WDR49: variants seen among roughly 807,000 people sequenced by gnomAD.
The protein encoded by WDR49 is WD repeat domain 49, also known as cilia- and flagella-associated protein 337.
WDR49 carries 107 observed loss-of-function variants against 119.5 expected under a neutral mutation model. That is an observed-to-expected ratio of 0.90 (90% CI 0.77 to 1.05). The LOEUF is 1.05. WDR49 is among the 50% of genes least tolerant of loss of function. The probability of loss-of-function intolerance (pLI) is 0.00; values close to 1 mark genes in which losing one functional copy is unlikely to be tolerated. For missense variants in WDR49, 1,240 were observed against 1,220.5 expected (o/e 1.02, Z -0.24); for synonymous variants, 425 against 418.8 (o/e 1.01, Z -0.18).
chr3:167,515,595 T>C (rs1285527285), intron 16 of WDR49, among the ~76,000 whole-genome samples: 1 of 152,158 alleles, frequency 6.6e-6, no homozygotes, highest in African/African-American at 2.4e-5. Flanking sequence ...AGATGCCCTT[T>C]CTCACCACTC....
chr3:167,531,967 GTA>G (rs1236994141), intron 12 of WDR49, among the ~76,000 whole-genome samples: 1 of 152,040 alleles, frequency 6.6e-6, no homozygotes. Context: ...TCTGTGTATT[GTA>G]AAGCCCAGTG....
intron 8 of WDR49, among the ~76,000 whole-genome samples, chr3:167,575,596 C>T (rs1472217512): frequency 6.6e-6 from 1 of 152,168 alleles, no homozygotes; most frequent in Non-Finnish European, 1.5e-5. Flanking sequence ...ATTTTACAAG[C>T]AGGTTCACTT....
intron 10 of WDR49, 123 bp from the exon 11 acceptor site, chr3:167,537,123 C>T: frequency 1.1e-6 from 1 of 939,224 alleles, no homozygotes; most frequent in Non-Finnish European, 1.4e-6. Flanking sequence ...AAAATTTATC[C>T]CCACTTGACA....
At chr3:167,592,434 TTTC>T (rs1214987208) in intron 7 of WDR49, among the ~76,000 whole-genome samples, 1 of 148,842 alleles carries the variant, frequency 6.7e-6, no homozygotes, top group Non-Finnish European at 1.5e-5. Flanking sequence ...TCTTTTTCTT[TTTC>T]TTTTTTTTTT....
intron 13 of WDR49, among the ~76,000 whole-genome samples, chr3:167,530,587 G>A (rs1229715456): frequency 2.0e-5 from 3 of 150,898 alleles, no homozygotes. Flanking sequence ...AAAACAAAAC[G>A]ATGAGAACAG....
At chr3:167,567,193 A>G (rs986693845) in intron 8 of WDR49, among the ~76,000 whole-genome samples, 1 of 152,190 alleles carries the variant, frequency 6.6e-6, no homozygotes, top group African/African-American at 2.4e-5. Flanking sequence ...CGCTTCTGCC[A>G]GATTGTCTAA....
In WDR49 at chr3:167,609,213, C is replaced by T. The variant is rs182103625; in HGVS notation, c.959-4745G>A. Among the ~76,000 whole-genome samples the T allele has an allele frequency of 5.9e-5, 9 of 152,254 alleles. No homozygotes were observed. The East Asian group carries it at 1.5e-3, about 26-fold the overall frequency. ...TTAACAATCTACACAGAAAAAAACA[C>T]TTTTACAAAAAACAAAAATTAGATG... On this transcript the variant is annotated intron_variant, in intron 5 of 18. Coordinates refer to ENST00000682715, the MANE Select transcript of WDR49 (RefSeq NM_001366157.1).
At chr3:167,575,157 C>T (rs1714166515) in intron 8 of WDR49, 2 of 985,286 alleles carry the variant, frequency 2.0e-6, no homozygotes, top group Middle Eastern at 5.2e-4. Context: ...TGTGCTGTTA[C>T]CATCAGGCCT....
At chr3:167,600,245 G>T (rs1474077780) in intron 7 of WDR49, among the ~76,000 whole-genome samples, 1 of 152,072 alleles carries the variant, frequency 6.6e-6, no homozygotes, top group Non-Finnish European at 1.5e-5. Context: ...TAGCTGCCCT[G>T]GCTGGTGTCT....
At chr3:167,484,290 C>G (rs914262400) in intron 18 of WDR49, among the ~76,000 whole-genome samples, 24 of 151,936 alleles carry the variant, frequency 1.6e-4, no homozygotes, top group African/African-American at 5.8e-4. Context: ...ACACTGGGGC[C>G]TGTTGTGGGG....
At chr3:167,531,559 C>G (rs550588468) in intron 12 of WDR49, among the ~76,000 whole-genome samples, 169 of 152,236 alleles carry the variant, frequency 1.1e-3, no homozygotes, top group Non-Finnish European at 2.1e-3. Context: ...ATGCTAACAT[C>G]TTAGGGATCC....
chr3:167,637,468 C>T (rs558062364), intron 2 of WDR49, among the ~76,000 whole-genome samples: 1 of 151,902 alleles, frequency 6.6e-6, no homozygotes, highest in South Asian at 2.1e-4. Context: ...CTTGCTTTGG[C>T]TATGTGGGCT....
At chr3:167,529,339 A>C (rs1752759519) in intron 13 of WDR49, 100 bp from the exon 14 acceptor site, 1 of 1,087,074 alleles carries the variant, frequency 9.2e-7, no homozygotes, top group African/African-American at 1.6e-5. Context: ...GATGTTGAAG[A>C]GGTGAGTAGC....
intron 2 of WDR49, among the ~76,000 whole-genome samples, chr3:167,641,064 G>C (rs1254338664): frequency 3.3e-5 from 5 of 151,900 alleles, no homozygotes; most frequent in Non-Finnish European, 7.4e-5. Flanking sequence ...GTGTTAATCT[G>C]ATAGAGAACA....
chr3:167,601,115 A>G (rs970527608), intron 7 of WDR49, among the ~76,000 whole-genome samples: 5 of 152,174 alleles, frequency 3.3e-5, no homozygotes, highest in Non-Finnish European at 5.9e-5. Context: ...AGAAGATAAG[A>G]TTTTGAATTA....
chr3:167,548,317 T>C lies in WDR49; in HGVS notation c.1823+6333A>G, dbSNP rs115068825. On this transcript the variant is annotated intron_variant, in intron 10 of 18. Coordinates refer to ENST00000682715, the MANE Select transcript of WDR49 (RefSeq NM_001366157.1). ...TCAGATTCCTCGGCACTTGTACAGT[T>C]TGATTTCTGTGAGCAATTAGATAAT... Among the ~76,000 whole-genome samples the C allele has an allele frequency of 5.0e-3, 756 of 152,152 alleles. 1 individual carries two copies. The highest frequency in any genetic ancestry group is 0.027 in the Middle Eastern group (8 of 294).
chr3:167,543,168 A>C (rs1192111832), intron 10 of WDR49, among the ~76,000 whole-genome samples: 1 of 152,090 alleles, frequency 6.6e-6, no homozygotes, highest in African/African-American at 2.4e-5. Flanking sequence ...CAACAAAAAA[A>C]GTCCAGGACT....
chr3:167,587,321 C>T (rs1295944445), intron 7 of WDR49, among the ~76,000 whole-genome samples: 1 of 152,116 alleles, frequency 6.6e-6, no homozygotes, highest in African/African-American at 2.4e-5. Flanking sequence ...CTAAATCTAA[C>T]TAGGGCATCA....
At chr3:167,537,135 C>T (rs1014471084) in intron 10 of WDR49, 135 bp from the exon 11 acceptor site, 2 of 772,582 alleles carry the variant, frequency 2.6e-6, no homozygotes, top group African/African-American at 1.8e-5. Context: ...CACTTGACAA[C>T]CATAATACTG....
Sources: allele counts gnomAD v4.1 joint callset (sites outside exome capture counted in the v4.1 genomes callset), GRCh38; gene constraint gnomAD v4.1.1; transcripts MANE v1.5; gene names NCBI Gene and HGNC (gene_info 2026-07-23, HGNC 2026-07-21).